Variants in SOX6 observed in about 807,000 individuals in gnomAD.
SOX6 encodes the protein SRY-box transcription factor 6.
In SOX6, 11 loss-of-function variants were observed where a neutral mutation model predicts 97.8. The observed-to-expected ratio is 0.11, with a 90% CI of 0.07 to 0.19. SOX6 has a LOEUF of 0.19. SOX6 is among the 10% of genes least tolerant of loss of function. The pLI is 1.00. For missense variants in SOX6, 810 were observed against 1,039.5 expected (o/e 0.78, Z 3.04); for synonymous variants, 360 against 371.4 (o/e 0.97, Z 0.35).
At chr11:16,437,213 G>A (rs1166912669) in intron 1 of SOX6, among the ~76,000 whole-genome samples, 2 of 151,870 alleles carry the variant, frequency 1.3e-5, no homozygotes, top group Non-Finnish European at 2.9e-5. Context: ...AGGCTGAAGG[G>A]AGCCATGATT....
rs1590093281 is a variant in SOX6 at position 15,967,106 on chromosome 11, C to T, written c.*5703G>A. On this transcript the variant is annotated 3_prime_UTR_variant, in exon 16 of 16. Coordinates refer to ENST00000683767, the MANE Select transcript of SOX6 (RefSeq NM_001367873.1). The stretch of plus-strand genomic sequence containing the variant: ...CAAACATATTCAAAGCAGCAATAGA[C>T]ACTAGTTTTTATGTTTTTTTCTTTT... The T allele has an allele frequency of 1.3e-5, 2 of 152,062 alleles. No homozygotes were observed. Among genetic ancestry groups the T allele is most frequent in the African/African-American group, 4.8e-5 (2 of 41,356 alleles). The allele number at this position is 152,062 out of a possible 1,614,324, so 9.4% of individuals were successfully genotyped here.
At chr11:16,360,718 T>A (rs1446908928), upstream of SOX6, among the ~76,000 whole-genome samples, 1 of 152,078 alleles carries the variant, frequency 6.6e-6, no homozygotes, top group Non-Finnish European at 1.5e-5. Context: ...AGTAAGAAGT[T>A]TTTGGCCAGG....
chr11:16,493,749 G>A (rs1324858940), intron 4 of SOX6, among the ~76,000 whole-genome samples: 3 of 152,102 alleles, frequency 2.0e-5, no homozygotes, highest in Admixed American at 6.6e-5. Context: ...ACAACGAGAT[G>A]TCAGTTTTCA....
At chr11:16,501,033 A>T (rs1237357699) in intron 4 of SOX6, among the ~76,000 whole-genome samples, 1 of 152,176 alleles carries the variant, frequency 6.6e-6, no homozygotes, top group Non-Finnish European at 1.5e-5. Flanking sequence ...CAAAGATGGA[A>T]GCACCACGCT....
At chr11:16,075,853 G>T (rs777710892) in intron 9 of SOX6, among the ~76,000 whole-genome samples, 2 of 152,000 alleles carry the variant, frequency 1.3e-5, no homozygotes, top group African/African-American at 2.4e-5. Context: ...AAAAACAAAA[G>T]TGTGTGTGGA....
intron 4 of SOX6, among the ~76,000 whole-genome samples, chr11:16,524,763 G>C (rs1363349737): frequency 6.6e-6 from 1 of 152,176 alleles, no homozygotes; most frequent in Admixed American, 6.5e-5. Context: ...CTCCTTAGCT[G>C]ATAAGCAACT....
intron 1 of SOX6, among the ~76,000 whole-genome samples, chr11:16,406,677 A>G (rs913642484): frequency 9.9e-5 from 15 of 152,108 alleles, no homozygotes; most frequent in African/African-American, 3.6e-4. Context: ...ATGCCCTATC[A>G]ATATTGGAAG....
At chr11:16,470,543 A>G (rs985388596) in intron 1 of SOX6, among the ~76,000 whole-genome samples, 1 of 152,152 alleles carries the variant, frequency 6.6e-6, no homozygotes, top group Non-Finnish European at 1.5e-5. Flanking sequence ...GGAGGACCAA[A>G]TGGTCCAGGA....
intron 13 of SOX6, among the ~76,000 whole-genome samples, chr11:16,009,895 T>C (rs1272938017): frequency 6.6e-6 from 1 of 151,996 alleles, no homozygotes; most frequent in Non-Finnish European, 1.5e-5. Flanking sequence ...CAATCTTTTC[T>C]ACCAGGAATA....
intron 3 of SOX6, among the ~76,000 whole-genome samples, chr11:16,245,571 T>A (rs1254351311): frequency 6.6e-6 from 1 of 151,730 alleles, no homozygotes; most frequent in African/African-American, 2.4e-5. Flanking sequence ...TTTTTCTTCT[T>A]TTAGTTCTGT....
At chr11:16,062,410 T>C (rs1443328743) in intron 9 of SOX6, among the ~76,000 whole-genome samples, 1 of 151,692 alleles carries the variant, frequency 6.6e-6, no homozygotes, top group East Asian at 1.9e-4. Context: ...CCACATATAA[T>C]TCTCAGATCA....
chr11:16,345,615 C>T (rs1856756268), intron 1 of SOX6, among the ~76,000 whole-genome samples: 1 of 152,028 alleles, frequency 6.6e-6, no homozygotes, highest in Non-Finnish European at 1.5e-5. Context: ...ATTTTCTGTT[C>T]TGCAACAATA....
In SOX6 at chr11:16,318,627, G is replaced by T; in HGVS notation, c.264C>A (p.Ser88=). 1 of 1,611,386 alleles carries T rather than the reference G, an allele frequency of 6.2e-7. No homozygotes were observed. Among genetic ancestry groups the T allele is most frequent in the South Asian group, 1.1e-5 (1 of 90,932 alleles). Residue 88 remains serine (S), a synonymous_variant, in exon 3 of 16, where the codon TCC becomes TCA. Coordinates refer to ENST00000683767, the MANE Select transcript of SOX6 (RefSeq NM_001367873.1). ...RMESENNKLC[S]LYSFRNTSTS... is the part of the protein sequence containing the mutation. ...TAGAGGTATTTCGGAAGGAATATAG[G>T]GAACATAACTTATTATTCTCTGATT...
At chr11:16,532,734 T>C (rs1051368590) in intron 4 of SOX6, among the ~76,000 whole-genome samples, 2 of 151,908 alleles carry the variant, frequency 1.3e-5, no homozygotes, top group African/African-American at 4.8e-5. Context: ...CTCAGTGATA[T>C]AATGGCAAGG....
At chr11:16,649,497 A>G (rs1434855195) in intron 3 of SOX6, among the ~76,000 whole-genome samples, 1 of 152,218 alleles carries the variant, frequency 6.6e-6, no homozygotes, top group Non-Finnish European at 1.5e-5. Flanking sequence ...ATTGTCAACC[A>G]AGAATTTTGT....
chr11:16,134,337 G>A (rs747594921), intron 6 of SOX6, among the ~76,000 whole-genome samples: 4 of 152,188 alleles, frequency 2.6e-5, no homozygotes, highest in Non-Finnish European at 4.4e-5. Context: ...CCTGGGCCAC[G>A]TTGTAGGAGT....
chr11:15,995,496 T>C (rs761186496), intron 13 of SOX6, among the ~76,000 whole-genome samples: 21 of 151,928 alleles, frequency 1.4e-4, no homozygotes, highest in Non-Finnish European at 2.9e-4. Flanking sequence ...ATCCACAACA[T>C]ACAATATATA....
At chr11:16,244,216 T>C (rs1475042005) in intron 3 of SOX6, among the ~76,000 whole-genome samples, 2 of 151,890 alleles carry the variant, frequency 1.3e-5, no homozygotes, top group Non-Finnish European at 2.9e-5. Flanking sequence ...ACCCAGAGGA[T>C]AAGAAGTGGT....
chr11:15,989,969 G>C (rs1853996481), intron 13 of SOX6, among the ~76,000 whole-genome samples: 1 of 152,126 alleles, frequency 6.6e-6, no homozygotes, highest in South Asian at 2.1e-4. Context: ...TAGGAGATGT[G>C]ATGTCTAAAC....
Sources: allele counts gnomAD v4.1 joint callset (sites outside exome capture counted in the v4.1 genomes callset), GRCh38; gene constraint gnomAD v4.1.1; transcripts MANE v1.5; gene names NCBI Gene and HGNC (gene_info 2026-07-23, HGNC 2026-07-21).